Variants in ZFPM2 observed in about 807,000 individuals in gnomAD.
The protein encoded by ZFPM2 is zinc finger protein ZFPM2.
Under a neutral mutation model 98.6 loss-of-function variants are expected in ZFPM2, and 20 were observed. The ratio of observed to expected loss-of-function variants is 0.20; its 90% CI spans 0.14 to 0.29. The LOEUF (loss-of-function observed/expected upper bound fraction) is 0.29, where lower values mean the gene tolerates loss of function less well. Among genes scored for constraint, ZFPM2 ranks in the 10% least tolerant of loss-of-function variants. The pLI is 1.00. For synonymous variants in ZFPM2, 518 were observed against 502.7 expected (o/e 1.03, Z -0.41); for missense variants, 1,310 against 1,388.6 (o/e 0.94, Z 0.90).
At chr8:105,615,204 A>G (rs1816389567) in intron 4 of ZFPM2, among the ~76,000 whole-genome samples, 1 of 152,052 alleles carries the variant, frequency 6.6e-6, no homozygotes, top group South Asian at 2.1e-4. Flanking sequence ...GGTCTTGGTT[A>G]TTAGAAACTA....
intron 3 of ZFPM2, among the ~76,000 whole-genome samples, chr8:105,473,809 T>C (rs1354579690): frequency 6.6e-6 from 1 of 152,264 alleles, no homozygotes; most frequent in Non-Finnish European, 1.5e-5. Context: ...TGTGTGTTAA[T>C]ATGTGAGTGT....
At chr8:105,393,330 C>G (rs2880620) in intron 1 of ZFPM2, among the ~76,000 whole-genome samples, 2,431 of 132,834 alleles carry the variant, frequency 0.018, 72 homozygotes, top group South Asian at 0.023. Flanking sequence ...CCCTCTCTCT[C>G]TCTTTGCCTT....
chr8:105,741,321 T>C (rs1176883073), intron 5 of ZFPM2, among the ~76,000 whole-genome samples: 1 of 152,124 alleles, frequency 6.6e-6, no homozygotes, highest in African/African-American at 2.4e-5. Flanking sequence ...GGAAGTCTGA[T>C]TGGCGATACC....
chr8:105,623,834 C>T (rs1243651279), intron 4 of ZFPM2, among the ~76,000 whole-genome samples: 2 of 151,980 alleles, frequency 1.3e-5, no homozygotes, highest in African/African-American at 2.4e-5. Flanking sequence ...TTCAGGCTAG[C>T]GTTTTTATTT....
chr8:105,771,234 C>A (rs1469255002), intron 5 of ZFPM2, among the ~76,000 whole-genome samples: 1 of 152,066 alleles, frequency 6.6e-6, no homozygotes, highest in Admixed American at 6.6e-5. Flanking sequence ...AGAGGATCCC[C>A]ACTGTCTTCT....
intron 4 of ZFPM2, among the ~76,000 whole-genome samples, chr8:105,571,883 A>G (rs1471569830): frequency 6.6e-6 from 1 of 152,098 alleles, no homozygotes; most frequent in African/African-American, 2.4e-5. Flanking sequence ...TCATAATTTA[A>G]CTGTAGCTCT....
Position 105,788,823 on chromosome 8 carries a change from C to T in ZFPM2, c.638C>T (p.Thr213Ile). 6.2e-7 allele frequency: 1 copy of T among 1,613,958 alleles called. No individual in the cohort carries two copies. ...DSRLQAASQMTLTEGMYPARL... is the reference protein window; with the variant it reads ...DSRLQAASQMILTEGMYPARL... The stretch of plus-strand genomic sequence containing the variant: ...AGGCTACAAGCTGCCAGTCAGATGA[C>T]TCTCACAGAAGGGATGTACCCTGCA... The change falls in exon 6 of 8, where the codon ACT (threonine) becomes ATT (isoleucine). Residue 213 changes from threonine to isoleucine, a missense_variant. Physicochemically the swap from Thr to Ile is moderately conservative, Grantham distance 89. Coordinates refer to ENST00000407775, the MANE Select transcript of ZFPM2 (RefSeq NM_012082.4).
chr8:105,337,689 G>C (rs1258161021), intron 1 of ZFPM2, among the ~76,000 whole-genome samples: 1 of 151,388 alleles, frequency 6.6e-6, no homozygotes, highest in Non-Finnish European at 1.5e-5. Context: ...TTAGAGCATA[G>C]AGAGAACAGA....
intron 4 of ZFPM2, among the ~76,000 whole-genome samples, chr8:105,569,926 A>G (rs890329556): frequency 1.3e-5 from 2 of 152,126 alleles, no homozygotes; most frequent in African/African-American, 4.8e-5. Context: ...AATTGATGGG[A>G]ACCGTAAGAG....
intron 5 of ZFPM2, among the ~76,000 whole-genome samples, chr8:105,646,490 G>A (rs1164367042): frequency 6.6e-6 from 1 of 152,136 alleles, no homozygotes; most frequent in Non-Finnish European, 1.5e-5. Flanking sequence ...GAAGGCTTCT[G>A]CGGGGTCCCC....
rs1586311767 is a variant in ZFPM2 at position 105,354,098 on chromosome 8, C to T, written c.40+35117C>T. On this transcript the variant is annotated intron_variant, in intron 1 of 7. Transcript: ENST00000407775. Reference sequence around the variant, plus strand: ...TAGCTTACTTAAGGAGGCTGCAAACCACTTAAGGATGCTAACTTTTTTACA... The same window carrying T: ...TAGCTTACTTAAGGAGGCTGCAAACTACTTAAGGATGCTAACTTTTTTACA... Among the ~76,000 whole-genome samples the T allele has an allele frequency of 7.2e-5, 11 of 152,264 alleles. No individual in the cohort carries two copies. The South Asian group carries it at 1.7e-3, about 23-fold the overall frequency.
chr8:105,354,506 C>A (rs191670381), intron 1 of ZFPM2, among the ~76,000 whole-genome samples: 88 of 152,210 alleles, frequency 5.8e-4, no homozygotes, highest in African/African-American at 2.1e-3. Context: ...CTGTTTTAAA[C>A]CCTGAGTATT....
intron 5 of ZFPM2, among the ~76,000 whole-genome samples, chr8:105,722,178 T>G (rs1811684031): frequency 6.6e-6 from 1 of 151,766 alleles, no homozygotes; most frequent in African/African-American, 2.4e-5. Flanking sequence ...AAAGGCCTTG[T>G]ACCCCTCTGA....
intron 4 of ZFPM2, among the ~76,000 whole-genome samples, chr8:105,603,450 A>C (rs1816134702): frequency 6.6e-6 from 1 of 152,120 alleles, no homozygotes; most frequent in Non-Finnish European, 1.5e-5. Context: ...TAGTATGGAC[A>C]AGCATCTTTG....
chr8:105,663,110 C>G (rs1281103880), intron 5 of ZFPM2, among the ~76,000 whole-genome samples: 1 of 152,120 alleles, frequency 6.6e-6, no homozygotes, highest in Non-Finnish European at 1.5e-5. Context: ...AGAAGTACTG[C>G]TTTCTTATCC....
At chr8:105,554,654 C>G (rs1406344481) in intron 3 of ZFPM2, among the ~76,000 whole-genome samples, 1 of 152,144 alleles carries the variant, frequency 6.6e-6, no homozygotes, top group East Asian at 1.9e-4. Flanking sequence ...TCAAACCAAT[C>G]CGAATTGTAT....
At chr8:105,503,333 G>A (rs1231550042) in intron 3 of ZFPM2, among the ~76,000 whole-genome samples, 3 of 152,172 alleles carry the variant, frequency 2.0e-5, no homozygotes, top group Admixed American at 1.3e-4. Flanking sequence ...AGAAATAACT[G>A]AATGGAGCAC....
At chr8:105,771,934 A>G (rs1450953710) in intron 5 of ZFPM2, among the ~76,000 whole-genome samples, 1 of 152,158 alleles carries the variant, frequency 6.6e-6, no homozygotes, top group East Asian at 1.9e-4. Context: ...AGAGATGCTA[A>G]TGTTCTTAAA....
At chr8:105,520,780 T>A (rs554310709) in intron 3 of ZFPM2, among the ~76,000 whole-genome samples, 1 of 151,290 alleles carries the variant, frequency 6.6e-6, no homozygotes, top group Non-Finnish European at 1.5e-5. Context: ...GAGTAATTGA[T>A]AGAGAGATAT....
Sources: gnomAD v4.1 joint callset for allele counts (sites outside exome capture counted in the v4.1 genomes callset) on GRCh38, gnomAD v4.1.1 for gene constraint, MANE v1.5 for transcripts, NCBI Gene and HGNC (gene_info 2026-07-23, HGNC 2026-07-21) for gene names.